The following ADAMTSL5 variants were observed in gnomAD, a reference collection of about 807,000 sequenced individuals.
ADAMTSL5 encodes ADAMTS-like protein 5.
A neutral mutation model predicts 51.7 loss-of-function variants in ADAMTSL5; 53 were observed. The observed-to-expected ratio is 1.03, with a 90% CI of 0.82 to 1.29. The LOEUF is 1.29. Among genes scored for constraint, ADAMTSL5 ranks in the 50% most tolerant of loss-of-function variants. ADAMTSL5 has a pLI of 0.00. For synonymous variants in ADAMTSL5, 285 were observed against 278.7 expected, an observed-to-expected ratio of 1.02 and a Z score of -0.23; for missense variants, 770 against 676.2, an observed-to-expected ratio of 1.14 and a Z score of -1.54.
Position 1,507,549 on chromosome 19 carries a change from T to G in ADAMTSL5, c.688+8A>C. The G allele has an allele frequency of 2.5e-6, 4 of 1,613,212 alleles. No individual in the cohort carries two copies. Among genetic ancestry groups the G allele is most frequent in the Non-Finnish European group, 3.4e-6 (4 of 1,179,842 alleles). The stretch of plus-strand genomic sequence containing the variant: ...GCCGGGTGCCTCTCGCCTCACATCC[T>G]AGGATACCCAGGTGGTTGCGGCTCC... On this transcript the variant is annotated splice_region_variant and intron_variant, in intron 8 of 11. Coordinates refer to ENST00000330475, the MANE Select transcript of ADAMTSL5 (RefSeq NM_213604.3).
At position 1,506,381 on chromosome 19, in the gene ADAMTSL5, C is replaced by A; in HGVS notation, c.1115-65G>T. ...CTGCGCAAATCTCTACGCCCCCTCCCTTGCCAGAAGAGGGACTGAGGGTCA... is the reference window on the plus strand; with the variant it reads ...CTGCGCAAATCTCTACGCCCCCTCCATTGCCAGAAGAGGGACTGAGGGTCA... On this transcript the variant is annotated intron_variant, in intron 11 of 11. Coordinates refer to ENST00000330475, the MANE Select transcript of ADAMTSL5 (RefSeq NM_213604.3). The surrounding 1 kb of genome is among the most constrained non-coding windows in gnomAD (Gnocchi z 5.6). 2 of 1,519,204 alleles carry A rather than the reference C, an allele frequency of 1.3e-6. No individual in the cohort carries two copies. Among genetic ancestry groups the A allele is most frequent in the East Asian group, 2.3e-5 (1 of 42,556 alleles). The allele number at this position is 1,519,204 out of a possible 1,614,324, so 94.1% of individuals were successfully genotyped here.
Position 1,510,491 on chromosome 19 carries a change from C to T in ADAMTSL5, c.192-63G>A, listed in dbSNP as rs376150567. 6.9e-4 allele frequency: 1,062 copies of T among 1,532,210 alleles called. 2 individuals are homozygous for T. Among genetic ancestry groups the T allele is most frequent in the African/African-American group, 6.3e-3 (461 of 73,054 alleles). 94.9% of individuals were successfully genotyped at this position (1,532,210 alleles called of 1,614,324 possible). A position where few individuals can be genotyped will look rare whatever the true frequency, so the allele number is the denominator to read the frequency against. The stretch of plus-strand genomic sequence containing the variant: ...CCCCCTCCCAGGGCTGGCCTTCCAC[C>T]CTCCGCCCCCGCCAACCCCACCCGC... On this transcript the variant is annotated intron_variant, in intron 3 of 11. Transcript: ENST00000330475.
At chr19:1,510,111 T>A (rs1225848533) in intron 5 of ADAMTSL5, 39 bp downstream of exon 5, 2 of 1,525,342 alleles carry the variant, frequency 1.3e-6, no homozygotes, top group Non-Finnish European at 1.8e-6. Context: ...AGTTGTTCGC[T>A]CTGGACCAAT....
At chr19:1,512,764 G>A (rs560930765) in intron 1 of ADAMTSL5, among the ~76,000 whole-genome samples, 199 bp downstream of exon 1, 2 of 152,288 alleles carry the variant, frequency 1.3e-5, no homozygotes, top group African/African-American at 2.4e-5. Context: ...CTGGTTTGAG[G>A]AGTGGGGGTC....
At position 1,508,107 on chromosome 19, in the gene ADAMTSL5, G is replaced by T. The variant is rs1447395282; in HGVS notation, c.492C>A (p.Ser164Arg). 1 of 1,607,788 alleles carries T rather than the reference G, an allele frequency of 6.2e-7. No individual in the cohort carries two copies. Reference protein sequence around the residue: ...QGVCVAGRCLSAGCDGLLGSG... With the variant: ...QGVCVAGRCLRAGCDGLLGSG... ...AGCCCAACAACCCATCACAGCCGGC[G>T]CTCTAAAGGGTGAAGGACAGGCGCG... Residue 164 changes from serine (S) to arginine (R), a missense_variant and splice_region_variant, in exon 7 of 12, where the codon AGC (serine) becomes AGA (arginine). Transcript: ENST00000330475.
At chr19:1,509,379 G>A (rs1862805967) in intron 5 of ADAMTSL5, among the ~76,000 whole-genome samples, 1 of 152,040 alleles carries the variant, frequency 6.6e-6, no homozygotes, top group Non-Finnish European at 1.5e-5. Context: ...TGTGTCGCTG[G>A]TCCTCCCTGG....
chr19:1,507,877 TG>T (rs1337560179), intron 7 of ADAMTSL5, 120 bp downstream of exon 7: 1 of 1,170,818 alleles, frequency 8.5e-7, no homozygotes, highest in Admixed American at 2.2e-5. Flanking sequence ...CCAATCAGGA[TG>T]AGGAGAAAGG....
At chr19:1,510,043 T>C (rs1913175407) in intron 5 of ADAMTSL5, 107 bp downstream of exon 5, 1 of 876,230 alleles carries the variant, frequency 1.1e-6, no homozygotes, top group African/African-American at 1.7e-5. Flanking sequence ...TTCAAAGCCC[T>C]AGCACTAATA....
In ADAMTSL5 at chr19:1,511,141, G is replaced by A. The variant is rs1913244839; in HGVS notation, c.-198C>T. On this transcript the variant is annotated 5_prime_UTR_variant, in exon 2 of 12. Coordinates refer to ENST00000330475, the MANE Select transcript of ADAMTSL5 (RefSeq NM_213604.3). ...GGAGACGTGGAGCCCGGTATGGAGA[G>A]GAAGAACTCAGAATGTCATCTGCAA... The A allele has an allele frequency of 1.2e-5, 5 of 406,774 alleles. No individual in the cohort carries two copies. Among genetic ancestry groups the A allele is most frequent in the Non-Finnish European group, 1.7e-5 (4 of 233,296 alleles). 25.2% of individuals were successfully genotyped at this position (406,774 alleles called of 1,614,324 possible).
At position 1,506,822 on chromosome 19, in the gene ADAMTSL5, C is replaced by A. The variant is rs200191805; in HGVS notation, c.959G>T (p.Arg320Met). Residue 320 changes from arginine (R) to methionine (M), a missense_variant, in exon 10 of 12, where the codon AGG becomes ATG. Coordinates refer to ENST00000330475, the MANE Select transcript of ADAMTSL5 (RefSeq NM_213604.3). The surrounding 1 kb of genome is among the most constrained non-coding windows in gnomAD (Gnocchi z 5.6). The part of the protein sequence containing the change: ...ARVQALGWPL[R>M]QPQPRGVEPQ... ...CTCCACCCCCCGGGGCTGAGGCTGC[C>A]TCAGGGGCCAGCCCAGGGCCTGCAC... 5.3e-4 allele frequency: 810 copies of A among 1,541,136 alleles called. 1 individual carries two copies. The highest frequency in any genetic ancestry group is 7.1e-4 in the Middle Eastern group (4 of 5,664).
In ADAMTSL5 at chr19:1,506,876, C is replaced by T. The variant is rs1034922927; in HGVS notation, c.905G>A (p.Arg302Gln). Residue 302 changes from arginine to glutamine, a missense_variant, in exon 10 of 12, where the codon CGG becomes CAG. Coordinates refer to ENST00000330475, the MANE Select transcript of ADAMTSL5 (RefSeq NM_213604.3). The surrounding 1 kb of genome is among the most constrained non-coding windows in gnomAD (Gnocchi z 5.6). ...PGIEFEFWLPRERYSPFQARV... is the reference protein window; with the variant it reads ...PGIEFEFWLPQERYSPFQARV... ...AGCCTGGAAGGGGCTGTAGCGCTCC[C>T]GAGGGAGCCAGAACTCAAACTCGAT... 1.5e-5 allele frequency: 23 copies of T among 1,548,642 alleles called. No individual in the cohort carries two copies. Among genetic ancestry groups the T allele is most frequent in the African/African-American group, 9.6e-5 (7 of 72,860 alleles).
chr19:1,512,572 T>C (rs1162882417), intron 1 of ADAMTSL5, among the ~76,000 whole-genome samples: 2 of 151,984 alleles, frequency 1.3e-5, no homozygotes, highest in East Asian at 1.9e-4. Flanking sequence ...CCCAGCTACT[T>C]GGGAGGCTAA....
chr19:1,510,284 A>G (rs745850367), intron 4 of ADAMTSL5, 26 bp from the exon 5 acceptor site: 5 of 1,612,884 alleles, frequency 3.1e-6, no homozygotes, highest in Non-Finnish European at 4.2e-6. Context: ...GGTGAGCCAG[A>G]GGCTGGGACA....
In ADAMTSL5 at chr19:1,506,465, G is replaced by T; in HGVS notation, c.1114+125C>A. On this transcript the variant is annotated intron_variant, in intron 11 of 11. Transcript: ENST00000330475. The surrounding 1 kb of genome is among the most constrained non-coding windows in gnomAD (Gnocchi z 5.6). Reference sequence around the variant, plus strand: ...AGGATCACGTCAGGGATCAATGAGGGATTAGGGTCAAGAGGCAAATTAGGA... The same window carrying T: ...AGGATCACGTCAGGGATCAATGAGGTATTAGGGTCAAGAGGCAAATTAGGA... The T allele has an allele frequency of 6.9e-7, 1 of 1,456,282 alleles. No individual in the cohort carries two copies. 90.2% of individuals were successfully genotyped at this position (1,456,282 alleles called of 1,614,324 possible).
At chr19:1,508,669 G>A in intron 5 of ADAMTSL5, 99 bp from the exon 6 acceptor site, 3 of 1,411,068 alleles carry the variant, frequency 2.1e-6, no homozygotes, top group Non-Finnish European at 2.8e-6. Context: ...GGCAGATGAA[G>A]CCCAGAGATT....
At position 1,506,308 on chromosome 19, in the gene ADAMTSL5, CCTGGAACA is replaced by C; in HGVS notation, c.1115_1122del (p.Val372GlyfsTer16). On this transcript the variant is annotated frameshift_variant and splice_region_variant, in exon 12 of 12. Coordinates refer to ENST00000330475, the MANE Select transcript of ADAMTSL5 (RefSeq NM_213604.3). LOFTEE classifies it high-confidence loss of function. This position sits in a 1 kb window ranked among gnomAD's most constrained non-coding sequence, Gnocchi z 5.6. ...TGGTGGTGGTGGCCCAGCACTCGGG[CCTGGAACA>C]CTGTTGAGGGGACGTGCTAAGCTGG... 6.5e-7 allele frequency: 1 copy of C among 1,547,042 alleles called. No homozygotes were observed. Among genetic ancestry groups the C allele is most frequent in the Non-Finnish European group, 8.7e-7 (1 of 1,144,346 alleles).
rs756824268 is a variant in ADAMTSL5 at position 1,510,958 on chromosome 19, A to C, written c.-15T>G. ...GCCGAGTCCATAGAGCCACCGCCAG[A>C]GACACAGGGTTGTGTCCCGGCTCTG... On this transcript the variant is annotated 5_prime_UTR_variant, in exon 2 of 12. Coordinates refer to ENST00000330475, the MANE Select transcript of ADAMTSL5 (RefSeq NM_213604.3). The C allele has an allele frequency of 7.1e-7, 1 of 1,412,150 alleles. No homozygotes were observed. Among genetic ancestry groups the C allele is most frequent in the Admixed American group, 3.4e-5 (1 of 29,748 alleles). The allele number at this position is 1,412,150 out of a possible 1,614,324, so 87.5% of individuals were successfully genotyped here. A position where few individuals can be genotyped will look rare whatever the true frequency, so the allele number is the denominator to read the frequency against.
At chr19:1,508,377 G>A in intron 6 of ADAMTSL5, 66 bp downstream of exon 6, 2 of 1,390,564 alleles carry the variant, frequency 1.4e-6, no homozygotes, top group Non-Finnish European at 1.9e-6. Context: ...CGGAGGTGGA[G>A]CCTAGGATGG....
At position 1,508,470 on chromosome 19, in the gene ADAMTSL5, CT is replaced by C. The variant is rs1463876767; in HGVS notation, c.461del (p.Gln154ArgfsTer56). On this transcript the variant is annotated frameshift_variant, in exon 6 of 12. Transcript: ENST00000330475. LOFTEE classifies it high-confidence loss of function. Reference protein sequence around the residue: ...LDGTACSPGAQGVCVAGRCLS... With the variant: ...LDGTACSPGAXGVCVAGRCLS... ...GGCAGCGGCCAGCCACGCAGACCCCCTGGGCACCCGGGCTGCAGGCGGTGCC... is the reference window on the plus strand; with the variant it reads ...GGCAGCGGCCAGCCACGCAGACCCCCGGGCACCCGGGCTGCAGGCGGTGCC... 6.3e-7 allele frequency: 1 copy of C among 1,578,084 alleles called. No homozygotes were observed. The highest frequency in any genetic ancestry group is 1.1e-5 in the South Asian group (1 of 87,366).
Sources: allele counts gnomAD v4.1 joint callset (sites outside exome capture counted in the v4.1 genomes callset), GRCh38; gene constraint gnomAD v4.1.1; non-coding constraint Gnocchi (gnomAD v3.1); transcripts MANE v1.5; gene names NCBI Gene and HGNC (gene_info 2026-07-23, HGNC 2026-07-21).